The following POLR1B variants were observed in gnomAD, a reference collection of about 807,000 sequenced individuals.
POLR1B encodes the protein RNA polymerase I subunit B.
A neutral mutation model predicts 105.8 loss-of-function variants in POLR1B; 30 were observed. The observed-to-expected ratio is 0.28, with a 90% CI of 0.21 to 0.38. POLR1B has a LOEUF of 0.38. Among genes scored for constraint, POLR1B ranks in the 10% least tolerant of loss-of-function variants. The probability of loss-of-function intolerance (pLI) is 1.00; values close to 1 mark genes in which losing one functional copy is unlikely to be tolerated. For missense variants in POLR1B, 976 were observed against 1,435.8 expected, an observed-to-expected ratio of 0.68 and a Z score of 5.17; for synonymous variants, 485 against 505.1, an observed-to-expected ratio of 0.96 and a Z score of 0.53.
In POLR1B at chr2:112,556,097, G is replaced by A. The variant is rs980856351; in HGVS notation, c.1159-1813G>A. Among the ~76,000 whole-genome samples, 13 of 152,192 alleles carry A rather than the reference G, an allele frequency of 8.5e-5. No individual in the cohort carries two copies. In the East Asian group the frequency reaches 2.5e-3, roughly 29 times the overall value. On this transcript the variant is annotated intron_variant, in intron 7 of 14. Transcript: ENST00000263331. ...CAGGGCTTCTTATTCCATCTTGACT[G>A]TGAAGATGAAGTGTTCAGTGTACAC...
chr2:112,559,074 C>T (rs965491594), intron 8 of POLR1B, among the ~76,000 whole-genome samples: 2 of 152,100 alleles, frequency 1.3e-5, no homozygotes, highest in African/African-American at 4.8e-5. Context: ...ATAGAGGAGA[C>T]AGGGAACTAG....
At chr2:112,549,673 C>T (rs1348260970) in intron 4 of POLR1B, among the ~76,000 whole-genome samples, 1 of 151,568 alleles carries the variant, frequency 6.6e-6, no homozygotes, top group Non-Finnish European at 1.5e-5. Context: ...ATTGAGCATT[C>T]TTGTGTTAAG....
chr2:112,543,104 A>G (rs1682848402), intron 1 of POLR1B, among the ~76,000 whole-genome samples: 1 of 152,236 alleles, frequency 6.6e-6, no homozygotes, highest in Non-Finnish European at 1.5e-5. Context: ...CTTTAAAGAG[A>G]GAAACTACTC....
intron 3 of POLR1B, 64 bp downstream of exon 3, chr2:112,547,631 AAGTGTGTCAGTGTTTTCTTTCTG>A: frequency 6.5e-7 from 1 of 1,532,686 alleles, no homozygotes; most frequent in Non-Finnish European, 8.9e-7. Flanking sequence ...AGAAGACAAG[AAGTGTGTCAGTGTTTTCTTTCTG>A]TGCTCCAATT....
chr2:112,566,918 A>T (rs1684312036), intron 10 of POLR1B, among the ~76,000 whole-genome samples: 1 of 152,030 alleles, frequency 6.6e-6, no homozygotes, highest in South Asian at 2.1e-4. Flanking sequence ...TTTTTAGTAG[A>T]GATGGGGTTT....
At chr2:112,563,298 G>T (rs1314194045) in intron 9 of POLR1B, among the ~76,000 whole-genome samples, 1 of 151,728 alleles carries the variant, frequency 6.6e-6, no homozygotes, top group Admixed American at 6.6e-5. Context: ...CTCGTGATCT[G>T]CCCGCCTCTG....
Position 112,578,572 on chromosome 2 carries a change from C to A in POLR1B, c.*2843C>A, listed in dbSNP as rs1684966851. 6.6e-6 allele frequency among the ~76,000 whole-genome samples: 1 copy of A among 152,058 alleles called. No homozygotes were observed. The highest frequency in any genetic ancestry group is 1.5e-5 in the Non-Finnish European group (1 of 68,016). ...CATAGCATATATATTTATAGTTTAA[C>A]CATTCACCTTGAACATTTTGGTTGT... is the stretch of plus-strand genomic sequence containing the variant. On this transcript the variant is annotated 3_prime_UTR_variant, in exon 15 of 15. Transcript: ENST00000263331.
At chr2:112,556,542 G>A (rs888082351) in intron 7 of POLR1B, among the ~76,000 whole-genome samples, 2 of 152,174 alleles carry the variant, frequency 1.3e-5, no homozygotes, top group Non-Finnish European at 2.9e-5. Context: ...GTCACTTCCA[G>A]TGCTGTCTTC....
At chr2:112,574,036 G>A (rs1383847238) in intron 14 of POLR1B, among the ~76,000 whole-genome samples, 5 of 151,848 alleles carry the variant, frequency 3.3e-5, no homozygotes, top group Admixed American at 6.6e-5. Context: ...TAGTATAGAC[G>A]GTTTCACCAT....
intron 1 of POLR1B, 133 bp downstream of exon 1, chr2:112,542,804 C>T (rs1200663217): frequency 8.3e-7 from 1 of 1,201,068 alleles, no homozygotes; most frequent in Non-Finnish European, 1.1e-6. Flanking sequence ...CGGGAGAGCA[C>T]AACATGTTAA....
chr2:112,574,001 A>G (rs1260343007), intron 14 of POLR1B, among the ~76,000 whole-genome samples, 186 bp downstream of exon 14: 3 of 152,006 alleles, frequency 2.0e-5, no homozygotes, highest in Non-Finnish European at 4.4e-5. Flanking sequence ...ATGGACCACC[A>G]TGCCCAGCTA....
At chr2:112,544,183 C>T (rs546864656) in intron 1 of POLR1B, among the ~76,000 whole-genome samples, 1 of 151,876 alleles carries the variant, frequency 6.6e-6, no homozygotes, top group Non-Finnish European at 1.5e-5. Context: ...GTAATCCCTG[C>T]ACTTTGGGAG....
intron 7 of POLR1B, among the ~76,000 whole-genome samples, chr2:112,554,203 G>T (rs974795793): frequency 3.9e-5 from 6 of 151,996 alleles, no homozygotes; most frequent in Non-Finnish European, 7.4e-5. Context: ...TACGATCTCA[G>T]CTCACTGCAA....
rs1175784121 is a variant in POLR1B at position 112,577,070 on chromosome 2, C to T, written c.*1341C>T. 3 of 152,168 alleles carry T rather than the reference C, an allele frequency of 2.0e-5. No individual in the cohort carries two copies. The highest frequency in any genetic ancestry group is 7.2e-5 in the African/African-American group (3 of 41,438). The allele number at this position is 152,168 out of a possible 1,614,324, so 9.4% of individuals were successfully genotyped here. On this transcript the variant is annotated 3_prime_UTR_variant, in exon 15 of 15. Coordinates refer to ENST00000263331, the MANE Select transcript of POLR1B (RefSeq NM_019014.6). ...CTTTTTTCTGCAAATATTCTGGTGA[C>T]TTATCTTTGGCCATTATAAACTGTT...
chr2:112,574,022 T>G (rs1370719697), intron 14 of POLR1B, among the ~76,000 whole-genome samples: 1 of 152,092 alleles, frequency 6.6e-6, no homozygotes. Flanking sequence ...ATTTTTTGTA[T>G]TTTTAGTATA....
chr2:112,544,158 T>TG (rs1682917084), intron 1 of POLR1B, among the ~76,000 whole-genome samples: 2 of 151,658 alleles, frequency 1.3e-5, no homozygotes, highest in Non-Finnish European at 2.9e-5. Context: ...CGGCTGGGTG[T>TG]GGTGGCTCTT....
chr2:112,558,308 T>C (rs765598860), intron 8 of POLR1B, among the ~76,000 whole-genome samples: 1 of 152,142 alleles, frequency 6.6e-6, no homozygotes, highest in Non-Finnish European at 1.5e-5. Context: ...TTCTAGAAAA[T>C]GAAAGGCCAC....
intron 12 of POLR1B, among the ~76,000 whole-genome samples, chr2:112,569,566 T>C (rs1349412719): frequency 6.6e-6 from 1 of 151,510 alleles, no homozygotes; most frequent in Non-Finnish European, 1.5e-5. Context: ...GTGTTTCTTT[T>C]TTTTTTTTTT....
intron 12 of POLR1B, among the ~76,000 whole-genome samples, chr2:112,570,480 C>T (rs982140155): frequency 1.3e-5 from 2 of 152,166 alleles, no homozygotes; most frequent in Non-Finnish European, 1.5e-5. Flanking sequence ...GTGATTTTGT[C>T]GTAGTGTGAA....
Sources: gnomAD v4.1 joint callset for allele counts (sites outside exome capture counted in the v4.1 genomes callset) on GRCh38, gnomAD v4.1.1 for gene constraint, MANE v1.5 for transcripts, NCBI Gene and HGNC (gene_info 2026-07-23, HGNC 2026-07-21) for gene names.